SYT6: variants seen among roughly 807,000 people sequenced by gnomAD.
SYT6 encodes the protein synaptotagmin 6.
SYT6 carries 24 observed loss-of-function variants against 38.4 expected under a neutral mutation model. That is an observed-to-expected ratio of 0.62 (90% confidence interval 0.45 to 0.88). The LOEUF (loss-of-function observed/expected upper bound fraction) is 0.88. Among genes scored for constraint, SYT6 ranks in the 40% least tolerant of loss-of-function variants. SYT6 has a pLI of 0.00. For synonymous variants in SYT6, 265 were observed against 241.9 expected (o/e 1.10, Z -0.89); for missense variants, 611 against 621.0 (o/e 0.98, Z 0.17).
intron 3 of SYT6, among the ~76,000 whole-genome samples, chr1:114,125,563 C>A (rs1260895546): frequency 6.6e-6 from 1 of 150,802 alleles, no homozygotes; most frequent in Non-Finnish European, 1.5e-5. Flanking sequence ...GAATGAGGGC[C>A]AGATGGGCTC....
intron 3 of SYT6, among the ~76,000 whole-genome samples, chr1:114,122,030 C>T (rs1220895881): frequency 6.6e-6 from 1 of 152,206 alleles, no homozygotes; most frequent in Admixed American, 6.5e-5. Context: ...CTGACTCCAA[C>T]TCTTGCTTAC....
intron 3 of SYT6, among the ~76,000 whole-genome samples, chr1:114,123,786 A>G (rs1292892185): frequency 1.3e-5 from 2 of 152,202 alleles, no homozygotes; most frequent in Admixed American, 6.5e-5. Context: ...GAGCAAAAGG[A>G]AATAACCACA....
chr1:114,090,439 A>G lies in SYT6; in HGVS notation c.*1695T>C, dbSNP rs908403622. 6.6e-6 allele frequency: 1 copy of G among 152,384 alleles called. No individual in the cohort carries two copies. The highest frequency in any genetic ancestry group is 2.4e-5 in the African/African-American group (1 of 41,466). The allele number at this position is 152,384 out of a possible 1,614,324, so 9.4% of individuals were successfully genotyped here. On this transcript the variant is annotated 3_prime_UTR_variant, in exon 8 of 8. Coordinates refer to ENST00000610222, the MANE Select transcript of SYT6 (RefSeq NM_001253772.2). Reference sequence around the variant, plus strand: ...CACAATATCCTGTTAACTCATGCCCAACCTGGTCATTTTTAGGGCTAGAAG... The same window carrying G: ...CACAATATCCTGTTAACTCATGCCCGACCTGGTCATTTTTAGGGCTAGAAG...
intron 3 of SYT6, among the ~76,000 whole-genome samples, chr1:114,106,316 C>T (rs549561807): frequency 1.1e-4 from 17 of 152,230 alleles, no homozygotes; most frequent in Middle Eastern, 3.4e-3. Context: ...TAGATTATCT[C>T]GGTGAGTCTT....
chr1:114,128,697 G>A (rs572298006), intron 3 of SYT6, among the ~76,000 whole-genome samples: 3 of 152,270 alleles, frequency 2.0e-5, no homozygotes, highest in African/African-American at 7.2e-5. Context: ...TAATACAGCT[G>A]AGCCTTACCC....
At chr1:114,112,834 G>A (rs1244150668) in intron 3 of SYT6, among the ~76,000 whole-genome samples, 1 of 152,228 alleles carries the variant, frequency 6.6e-6, no homozygotes, top group African/African-American at 2.4e-5. Context: ...TCAAATAGCT[G>A]CCAGTTTCTC....
At chr1:114,127,766 G>A (rs1677829952) in intron 3 of SYT6, among the ~76,000 whole-genome samples, 1 of 152,214 alleles carries the variant, frequency 6.6e-6, no homozygotes. Flanking sequence ...TGGCAGGAGT[G>A]GAAGGAATAA....
chr1:114,104,159 T>C (rs942085959), intron 3 of SYT6, among the ~76,000 whole-genome samples: 1 of 152,200 alleles, frequency 6.6e-6, no homozygotes, highest in South Asian at 2.1e-4. Flanking sequence ...ACAAGACACA[T>C]GCTCTAGACT....
rs769194329 is a variant in SYT6, at chr1:114,139,826, G to A, written c.301C>T (p.Pro101Ser). ...GGGCTCTGGAGGGCTTCCAAGGGGGGATTAGCAGAAGAGGGACTGGAGGCC... is the reference window on the plus strand; with the variant it reads ...GGGCTCTGGAGGGCTTCCAAGGGGGAATTAGCAGAAGAGGGACTGGAGGCC... ...KEASSPSSAN[P>S]PLEALQSPSF... Residue 101 changes from proline to serine, a missense_variant, in exon 2 of 8, where the codon CCC becomes TCC. Transcript: ENST00000610222. 3 of 1,601,290 alleles carry A rather than the reference G, an allele frequency of 1.9e-6. No individual in the cohort carries two copies. The highest frequency in any genetic ancestry group is 1.3e-5 in the African/African-American group (1 of 74,658).
chr1:114,147,662 C>G (rs980138391), intron 1 of SYT6, among the ~76,000 whole-genome samples: 1 of 152,214 alleles, frequency 6.6e-6, no homozygotes, highest in African/African-American at 2.4e-5. Flanking sequence ...CCAGAATGAC[C>G]GACAGCACAG....
chr1:114,101,695 G>A (rs1367648387), intron 4 of SYT6, among the ~76,000 whole-genome samples: 1 of 152,156 alleles, frequency 6.6e-6, no homozygotes, highest in Non-Finnish European at 1.5e-5. Context: ...TCTGGGCTGA[G>A]GGAAACCTCA....
chr1:114,092,231 A>G (rs1435327270), intron 7 of SYT6, 149 bp from the exon 8 acceptor site: 2 of 719,886 alleles, frequency 2.8e-6, no homozygotes, highest in East Asian at 5.5e-5. Context: ...CAAAAACATA[A>G]GGGAAACAGC....
chr1:114,126,457 G>A (rs2101053938), intron 3 of SYT6, among the ~76,000 whole-genome samples: 1 of 152,304 alleles, frequency 6.6e-6, no homozygotes, highest in East Asian at 1.9e-4. Context: ...GAATCCTGGA[G>A]TTCAAAAGTC....
At chr1:114,128,175 C>T (rs1677854813) in intron 3 of SYT6, among the ~76,000 whole-genome samples, 1 of 152,242 alleles carries the variant, frequency 6.6e-6, no homozygotes, top group African/African-American at 2.4e-5. Context: ...CACCTTTACA[C>T]CCACTGGGGC....
At chr1:114,093,251 T>C (rs565825885) in intron 7 of SYT6, among the ~76,000 whole-genome samples, 1 of 151,992 alleles carries the variant, frequency 6.6e-6, no homozygotes, top group African/African-American at 2.4e-5. Context: ...ACCTGCGGAG[T>C]AGATGGGAAA....
At chr1:114,147,226 T>G (rs1457712707) in intron 1 of SYT6, among the ~76,000 whole-genome samples, 1 of 152,218 alleles carries the variant, frequency 6.6e-6, no homozygotes, top group African/African-American at 2.4e-5. Flanking sequence ...CTGCTAATAC[T>G]CATTTGCTTG....
chr1:114,139,945 A>G lies in SYT6; in HGVS notation c.182T>C (p.Leu61Pro). 2 of 1,508,804 alleles carry G rather than the reference A, an allele frequency of 1.3e-6. No homozygotes were observed. The highest frequency in any genetic ancestry group is 1.8e-6 in the Non-Finnish European group (2 of 1,131,638). The allele number at this position is 1,508,804 out of a possible 1,614,324, so 93.5% of individuals were successfully genotyped here. ...AAGAGTSVSL[L>P]AVVVIVCGVA... Reference sequence around the variant, plus strand: ...GCCACACACAATAACTACAACTGCGAGGAGGCTGACAGAGGTGCCTGCCCT... The same window carrying G: ...GCCACACACAATAACTACAACTGCGGGGAGGCTGACAGAGGTGCCTGCCCT... Residue 61 changes from leucine (L) to proline (P), a missense_variant, in exon 2 of 8, where the codon CTC becomes CCC. Leu to Pro is a moderately conservative substitution (Grantham distance 98, BLOSUM62 -3). Coordinates refer to ENST00000610222, the MANE Select transcript of SYT6 (RefSeq NM_001253772.2).
chr1:114,139,756 G>A lies in SYT6; in HGVS notation c.371C>T (p.Thr124Ile), dbSNP rs760719726. The A allele has an allele frequency of 6.2e-7, 1 of 1,614,068 alleles. No individual in the cohort carries two copies. Among genetic ancestry groups the A allele is most frequent in the Admixed American group, 1.7e-5 (1 of 60,018 alleles). ...NMADKLKDPS[T>I]LGFLEAAVKI... ...CACGGCCGCCTCCAGGAAGCCCAGG[G>A]TGCTGGGGTCCTTCAGCTTGTCCGC... Residue 124 changes from threonine to isoleucine, a missense_variant, in exon 2 of 8, where the codon ACC becomes ATC. Thr to Ile is a moderately conservative substitution (Grantham distance 89). Coordinates refer to ENST00000610222, the MANE Select transcript of SYT6 (RefSeq NM_001253772.2).
chr1:114,133,711 G>A (rs962496522), intron 3 of SYT6, among the ~76,000 whole-genome samples: 9 of 152,202 alleles, frequency 5.9e-5, no homozygotes, highest in East Asian at 1.9e-4. Flanking sequence ...TGCAATGCAC[G>A]AGGCCTCCGA....
Sources: allele counts gnomAD v4.1 joint callset (sites outside exome capture counted in the v4.1 genomes callset), GRCh38; gene constraint gnomAD v4.1.1; transcripts MANE v1.5; gene names NCBI Gene and HGNC (gene_info 2026-07-23, HGNC 2026-07-21).